Variants in SLC38A12 observed in about 807,000 individuals in gnomAD.
The protein encoded by SLC38A12 is solute carrier family 38 member 12.
chr17:74,796,045 G>A, the SLC38A12 span, among the ~76,000 whole-genome samples: 57,425 of 152,040 alleles, frequency 0.38, 13,599 homozygotes, highest in Non-Finnish European at 0.51. Context: ...GGGTCTGGCC[G>A]TAAGCATCCT....
chr17:74,810,788 G>A, the SLC38A12 span, among the ~76,000 whole-genome samples: 6 of 152,186 alleles, frequency 3.9e-5, no homozygotes, highest in Non-Finnish European at 8.8e-5. Flanking sequence ...GAATTCGGAC[G>A]ACCTCCTCTA....
chr17:74,802,065 C>T, the SLC38A12 span, among the ~76,000 whole-genome samples: 1 of 152,142 alleles, frequency 6.6e-6, no homozygotes, highest in Admixed American at 6.5e-5. Context: ...TCCAGCCTGT[C>T]CCTTCACCTT....
chr17:74,828,708 G>A, the SLC38A12 span, among the ~76,000 whole-genome samples: 6 of 152,166 alleles, frequency 3.9e-5, no homozygotes, highest in South Asian at 4.1e-4. Flanking sequence ...GTCACAGCCC[G>A]GGGGTACTCA....
At chr17:74,781,304 T>A in the SLC38A12 span, among the ~76,000 whole-genome samples, 1 of 151,606 alleles carries the variant, frequency 6.6e-6, no homozygotes, top group African/African-American at 2.4e-5. Flanking sequence ...ATTACTTTCT[T>A]TTTTTTTTCT....
At chr17:74,838,250 C>G in the SLC38A12 span, 55 of 985,762 alleles carry the variant, frequency 5.6e-5, no homozygotes, top group East Asian at 5.4e-3. Flanking sequence ...TTTCCATCCA[C>G]GGGAAAAACA....
the SLC38A12 span, among the ~76,000 whole-genome samples, chr17:74,784,691 T>C: frequency 0.62 from 93,392 of 151,838 alleles, 29,079 homozygotes; most frequent in Non-Finnish European, 0.64. Context: ...AGGAAATTCA[T>C]GGTTGAGATC....
the SLC38A12 span, among the ~76,000 whole-genome samples, chr17:74,834,440 T>C: frequency 1.3e-5 from 2 of 152,176 alleles, no homozygotes; most frequent in East Asian, 1.9e-4. Context: ...CCTCCCCTCC[T>C]GTCCCCGACA....
the SLC38A12 span, among the ~76,000 whole-genome samples, chr17:74,819,047 C>T: frequency 6.6e-6 from 1 of 152,218 alleles, no homozygotes; most frequent in Non-Finnish European, 1.5e-5. Context: ...CCATGCTGAC[C>T]AGCACCCGCT....
At chr17:74,824,699 G>A in the SLC38A12 span, among the ~76,000 whole-genome samples, 7 of 152,164 alleles carry the variant, frequency 4.6e-5, no homozygotes, top group African/African-American at 9.7e-5. Flanking sequence ...TTGTGTATGC[G>A]GAGCAGACGC....
chr17:74,794,967 G>A, the SLC38A12 span: 3 of 1,486,694 alleles, frequency 2.0e-6, no homozygotes, highest in Non-Finnish European at 2.8e-6. Flanking sequence ...AAAACATGCA[G>A]ACATCTCTTT....
chr17:74,837,496 A>G, the SLC38A12 span: 9 of 985,438 alleles, frequency 9.1e-6, no homozygotes, highest in Non-Finnish European at 8.4e-6. Context: ...AGGTGGTCCT[A>G]CTAGAGGGAA....
the SLC38A12 span, among the ~76,000 whole-genome samples, chr17:74,783,117 G>A: frequency 0.047 from 7,161 of 152,224 alleles, 200 homozygotes; most frequent in Middle Eastern, 0.058. Context: ...GCAACAGAGC[G>A]AGACTCCGTC....
the SLC38A12 span, chr17:74,777,568 T>C: frequency 1.3e-6 from 2 of 1,527,290 alleles, no homozygotes; most frequent in East Asian, 2.5e-5. Flanking sequence ...AGATTTATTC[T>C]CTTTTTAAGG....
the SLC38A12 span, among the ~76,000 whole-genome samples, chr17:74,801,340 C>T: frequency 6.6e-6 from 1 of 152,244 alleles, no homozygotes; most frequent in East Asian, 1.9e-4. Context: ...TGCAGTCGTT[C>T]TAACCCGTGC....
the SLC38A12 span, chr17:74,788,978 C>A: frequency 1.1e-6 from 1 of 931,032 alleles, no homozygotes; most frequent in Non-Finnish European, 1.6e-6. Flanking sequence ...GGGCTCTGTC[C>A]ACGGCACTGC....
the SLC38A12 span, among the ~76,000 whole-genome samples, chr17:74,830,866 T>G: frequency 6.6e-6 from 1 of 152,162 alleles, no homozygotes; most frequent in Non-Finnish European, 1.5e-5. Flanking sequence ...CCCAGGTGAA[T>G]CAGTGTGGCG....
chr17:74,806,192 C>T, the SLC38A12 span, among the ~76,000 whole-genome samples: 1 of 152,174 alleles, frequency 6.6e-6, no homozygotes, highest in African/African-American at 2.4e-5. Flanking sequence ...GTTCCTCTCA[C>T]GCTCTCTTGT....
chr17:74,788,873 G>A, the SLC38A12 span: 1 of 1,612,710 alleles, frequency 6.2e-7, no homozygotes, highest in South Asian at 1.1e-5. Flanking sequence ...ACCTCAAGGT[G>A]TGTGTGTTGC....
chr17:74,830,270 G>A, the SLC38A12 span, among the ~76,000 whole-genome samples: 10 of 152,372 alleles, frequency 6.6e-5, no homozygotes, highest in South Asian at 2.1e-3. Context: ...GAGGTTCCAG[G>A]AGGGCAGGGA....
Sources: allele counts gnomAD v4.1 joint callset (sites outside exome capture counted in the v4.1 genomes callset), GRCh38; gene constraint gnomAD v4.1.1; transcripts MANE v1.5; gene names NCBI Gene and HGNC (gene_info 2026-07-23, HGNC 2026-07-21).